Variants in SPOCK1 observed in about 807,000 individuals in gnomAD.
The protein encoded by SPOCK1 is SPARC (osteonectin), cwcv and kazal like domains proteoglycan 1.
SPOCK1 carries 23 observed loss-of-function variants against 55.3 expected under a neutral mutation model. The ratio of observed to expected loss-of-function variants is 0.42; its 90% CI spans 0.30 to 0.59. SPOCK1 has a LOEUF of 0.59. Among genes scored for constraint, SPOCK1 ranks in the 20% least tolerant of loss-of-function variants. The pLI is 0.22. For synonymous variants in SPOCK1, 226 were observed against 221.0 expected (o/e 1.02, Z -0.20); for missense variants, 499 against 552.5 (o/e 0.90, Z 0.97).
chr5:136,980,033 A>G (rs1346443209), intron 9 of SPOCK1, among the ~76,000 whole-genome samples: 3 of 152,206 alleles, frequency 2.0e-5, no homozygotes, highest in East Asian at 1.9e-4. Context: ...TCTGTGGATC[A>G]TATGGTTCCA....
intron 2 of SPOCK1, among the ~76,000 whole-genome samples, chr5:137,338,081 C>A (rs1750324039): frequency 6.6e-6 from 1 of 152,106 alleles, no homozygotes; most frequent in African/African-American, 2.4e-5. Flanking sequence ...GTGCAGGTTA[C>A]ATATGTATAC....
At chr5:137,270,011 C>T (rs1041161231) in intron 2 of SPOCK1, among the ~76,000 whole-genome samples, 1 of 152,176 alleles carries the variant, frequency 6.6e-6, no homozygotes, top group African/African-American at 2.4e-5. Context: ...GCTATGCTGT[C>T]AATAATTCTA....
chr5:137,197,226 C>T (rs745587118), intron 3 of SPOCK1, among the ~76,000 whole-genome samples: 2 of 152,178 alleles, frequency 1.3e-5, no homozygotes, highest in African/African-American at 2.4e-5. Context: ...GGCCCTCTCA[C>T]ATCAGAACAA....
intron 2 of SPOCK1, among the ~76,000 whole-genome samples, chr5:137,328,001 G>A (rs1451343782): frequency 2.0e-5 from 3 of 152,146 alleles, no homozygotes; most frequent in Non-Finnish European, 2.9e-5. Context: ...CATGGTCCAC[G>A]CCCACCTGTG....
At chr5:137,311,127 T>C (rs1654991701) in intron 2 of SPOCK1, among the ~76,000 whole-genome samples, 1 of 152,192 alleles carries the variant, frequency 6.6e-6, no homozygotes, top group Admixed American at 6.5e-5. Context: ...CCTCTGAGTG[T>C]TGGTTTAACA....
At chr5:137,343,964 G>A (rs1250938656) in intron 2 of SPOCK1, among the ~76,000 whole-genome samples, 1 of 152,182 alleles carries the variant, frequency 6.6e-6, no homozygotes, top group Non-Finnish European at 1.5e-5. Context: ...CATTTAACCA[G>A]GCTAGGGTCC....
rs547202409 is a variant in SPOCK1 at position 137,304,310 on chromosome 5, C to T, written c.187-37255G>A. 3.9e-5 allele frequency among the ~76,000 whole-genome samples: 6 copies of T among 152,170 alleles called. No homozygotes were observed. The East Asian group carries it at 1.2e-3, about 29-fold the overall frequency. On this transcript the variant is annotated intron_variant, in intron 2 of 10. Coordinates refer to ENST00000394945, the MANE Select transcript of SPOCK1 (RefSeq NM_004598.4). Reference sequence around the variant, plus strand: ...GTTTATCTCTGCATTCCCACAGCACCTGACCGAGGCCCTGGAACACACAGG... The same window carrying T: ...GTTTATCTCTGCATTCCCACAGCACTTGACCGAGGCCCTGGAACACACAGG...
At chr5:137,240,747 TA>T (rs924446592) in intron 3 of SPOCK1, among the ~76,000 whole-genome samples, 11 of 149,908 alleles carry the variant, frequency 7.3e-5, no homozygotes, top group East Asian at 3.9e-4. Flanking sequence ...TATAGGACTA[TA>T]AAAAAAAAGA....
At chr5:137,087,715 C>T (rs114332973) in intron 5 of SPOCK1, among the ~76,000 whole-genome samples, 316 of 152,324 alleles carry the variant, frequency 2.1e-3, no homozygotes, top group African/African-American at 7.3e-3. Context: ...GCAGGATACA[C>T]TGAGGTAAGG....
chr5:137,497,276 A>T (rs986389935), intron 2 of SPOCK1, among the ~76,000 whole-genome samples: 12 of 152,226 alleles, frequency 7.9e-5, no homozygotes, highest in Admixed American at 5.2e-4. Flanking sequence ...TATCATATTT[A>T]AAAAATACAT....
intron 2 of SPOCK1, among the ~76,000 whole-genome samples, chr5:137,417,457 A>G (rs1286228639): frequency 6.6e-6 from 1 of 151,704 alleles, no homozygotes; most frequent in African/African-American, 2.4e-5. Context: ...TGTAACCACC[A>G]CACCAATCAG....
chr5:137,017,151 C>G (rs12188192), intron 6 of SPOCK1, among the ~76,000 whole-genome samples: 1 of 152,034 alleles, frequency 6.6e-6, no homozygotes, highest in Non-Finnish European at 1.5e-5. Flanking sequence ...TACCACAGAG[C>G]GAGGAATTAA....
chr5:137,060,279 T>A (rs1315656425), intron 6 of SPOCK1, among the ~76,000 whole-genome samples: 1 of 151,668 alleles, frequency 6.6e-6, no homozygotes, highest in African/African-American at 2.4e-5. Flanking sequence ...TAAAAAAGAG[T>A]GAGATCATAT....
At chr5:137,457,518 A>G (rs1528962) in intron 2 of SPOCK1, among the ~76,000 whole-genome samples, 61,502 of 152,062 alleles carry the variant, frequency 0.4, 13,541 homozygotes, top group East Asian at 0.64. Flanking sequence ...CCTTCTAGAC[A>G]AGGCTGCTAC....
intron 2 of SPOCK1, among the ~76,000 whole-genome samples, chr5:137,316,401 G>A (rs1353808063): frequency 6.6e-6 from 1 of 152,162 alleles, no homozygotes; most frequent in Admixed American, 6.6e-5. Flanking sequence ...GAGCACTTGG[G>A]GTTGTCCTTT....
intron 6 of SPOCK1, among the ~76,000 whole-genome samples, chr5:137,001,407 T>C (rs1751146059): frequency 6.6e-6 from 1 of 152,248 alleles, no homozygotes; most frequent in Admixed American, 6.5e-5. Context: ...CTTCTATTGC[T>C]TTTCAGAGAA....
rs17171371 is a variant in SPOCK1 at position 137,353,843 on chromosome 5, T to G, written c.187-86788A>C. ...CCCCAGTCTCTCCCTGGCAGACCCA[T>G]CCACTTCCAGAAGGGTAACACCTAA... is the stretch of plus-strand genomic sequence containing the variant. On this transcript the variant is annotated intron_variant, in intron 2 of 10. Coordinates refer to ENST00000394945, the MANE Select transcript of SPOCK1 (RefSeq NM_004598.4). Among the ~76,000 whole-genome samples, 11 of 152,084 alleles carry G rather than the reference T, an allele frequency of 7.2e-5. No homozygotes were observed. The East Asian group carries it at 1.9e-3, about 27-fold the overall frequency.
At chr5:137,192,540 C>G (rs1277860630) in intron 3 of SPOCK1, among the ~76,000 whole-genome samples, 3 of 152,320 alleles carry the variant, frequency 2.0e-5, no homozygotes. Context: ...CCTGTGTGGG[C>G]TGTGCAGTCC....
intron 2 of SPOCK1, chr5:137,313,539 A>G (rs1347214252): frequency 3.1e-6 from 3 of 967,764 alleles, no homozygotes; most frequent in Non-Finnish European, 3.7e-6. Context: ...GGAGAGTCAC[A>G]GGCTCCAGCC....
Sources: gnomAD v4.1 joint callset for allele counts (sites outside exome capture counted in the v4.1 genomes callset) on GRCh38, gnomAD v4.1.1 for gene constraint, MANE v1.5 for transcripts, NCBI Gene and HGNC (gene_info 2026-07-23, HGNC 2026-07-21) for gene names.